The following CHD6 variants were observed in gnomAD, a reference collection of about 807,000 sequenced individuals.
The protein encoded by CHD6 is ATP-dependent chromatin remodeler CHD6.
A neutral mutation model predicts 276.9 loss-of-function variants in CHD6; 50 were observed. The ratio of observed to expected loss-of-function variants is 0.18; its 90% CI spans 0.14 to 0.23. The LOEUF is 0.23. CHD6 is among the 10% of genes least tolerant of loss of function. CHD6 has a pLI of 1.00. For missense variants in CHD6, 2,564 were observed against 3,365.8 expected, an observed-to-expected ratio of 0.76 and a Z score of 5.89; for synonymous variants, 1,173 against 1,229.3, an observed-to-expected ratio of 0.95 and a Z score of 0.96.
intron 27 of CHD6, among the ~76,000 whole-genome samples, chr20:41,434,126 C>A (rs113431913): frequency 6.6e-6 from 1 of 151,946 alleles, no homozygotes; most frequent in East Asian, 1.9e-4. Context: ...AGACAGAGAC[C>A]GGCAGAGCGT....
At chr20:41,565,251 A>G (rs1039867467) in intron 1 of CHD6, among the ~76,000 whole-genome samples, 14 of 152,054 alleles carry the variant, frequency 9.2e-5, no homozygotes, top group Non-Finnish European at 1.9e-4. Context: ...GCCTGCCACC[A>G]CACCCGGCTA....
At chr20:41,565,381 A>C (rs979808262) in intron 1 of CHD6, among the ~76,000 whole-genome samples, 9 of 152,212 alleles carry the variant, frequency 5.9e-5, no homozygotes, top group Non-Finnish European at 1.2e-4. Flanking sequence ...GGCGTGAGCC[A>C]CCGCGCCCAG....
At chr20:41,467,560 T>TGA (rs1555898170) in intron 17 of CHD6, among the ~76,000 whole-genome samples, 2 of 37,610 alleles carry the variant, frequency 5.3e-5, no homozygotes, top group African/African-American at 2.8e-4. Flanking sequence ...GTTCTGACAA[T>TGA]GAAAAAAAAA....
chr20:41,414,472 T>C (rs1424956604), intron 34 of CHD6: 4 of 166,292 alleles, frequency 2.4e-5, no homozygotes, highest in Non-Finnish European at 5.2e-5. Flanking sequence ...TTATTGCTTT[T>C]AAAATAAGAA....
At chr20:41,415,712 T>TAGGGAAATCAGGCCTGGA in intron 33 of CHD6, 74 bp from the exon 34 acceptor site, 2 of 1,155,280 alleles carry the variant, frequency 1.7e-6, no homozygotes, top group African/African-American at 1.5e-5. Context: ...TCTCCAGGCC[T>TAGGGAAATCAGGCCTGGA]GATTTCCCTA....
chr20:41,540,813 T>C (rs1455581974), intron 2 of CHD6, among the ~76,000 whole-genome samples: 3 of 152,160 alleles, frequency 2.0e-5, no homozygotes, highest in African/African-American at 7.2e-5. Flanking sequence ...TCATCAAAAT[T>C]TGCAACCTTC....
intron 1 of CHD6, among the ~76,000 whole-genome samples, chr20:41,587,492 T>A (rs1008091497): frequency 6.6e-6 from 1 of 152,232 alleles, no homozygotes; most frequent in Non-Finnish European, 1.5e-5. Context: ...TCTTCTCTCA[T>A]GCTTTTCATT....
chr20:41,491,887 C>T lies in CHD6; in HGVS notation c.1315-68G>A, dbSNP rs143281546. The T allele has an allele frequency of 1.2e-4, 190 of 1,550,728 alleles. 4 individuals are homozygous for T. In the East Asian group the frequency reaches 3.7e-3, roughly 30 times the overall value. On this transcript the variant is annotated intron_variant, in intron 10 of 36. Coordinates refer to ENST00000373233, the MANE Select transcript of CHD6 (RefSeq NM_032221.5). The stretch of plus-strand genomic sequence containing the variant: ...TTTAGGAGCATAACATGGATACTAA[C>T]GAGGACAGTGGTAAATCTCACTGTC...
chr20:41,443,072 C>T (rs1278834352), intron 25 of CHD6, among the ~76,000 whole-genome samples: 1 of 152,198 alleles, frequency 6.6e-6, no homozygotes, highest in Non-Finnish European at 1.5e-5. Context: ...AAGGCCTCTG[C>T]CCCTCAGCTG....
At chr20:41,408,348 G>A (rs1213588380) in intron 36 of CHD6, among the ~76,000 whole-genome samples, 2 of 152,156 alleles carry the variant, frequency 1.3e-5, no homozygotes, top group African/African-American at 4.8e-5. Context: ...AGCATGACCT[G>A]CCACTTGCAA....
intron 5 of CHD6, among the ~76,000 whole-genome samples, chr20:41,502,024 A>G (rs1217053127): frequency 1.3e-5 from 2 of 152,238 alleles, no homozygotes; most frequent in Non-Finnish European, 2.9e-5. Flanking sequence ...TATTTTAAAT[A>G]AGAGTCCTCT....
intron 29 of CHD6, 80 bp from the exon 30 acceptor site, chr20:41,423,780 T>C (rs2047273810): frequency 2.7e-6 from 3 of 1,114,800 alleles, no homozygotes; most frequent in Non-Finnish European, 2.7e-6. Context: ...GAGCCTACTA[T>C]GAGAGCCCAT....
chr20:41,452,917 C>T lies in CHD6; in HGVS notation c.3146G>A (p.Arg1049His), dbSNP rs2048281968. ...GTAGTGTTTGGTCTGCTTTCTCACG[C>T]GAGGTCGGTCGATCACTAAGCTTTC... ...EKESLVIDRP[R>H]VRKQTKHYNS... Residue 1049 changes from arginine (R) to histidine (H), a missense_variant, in exon 21 of 37, where the codon CGC becomes CAC. By Grantham distance (29) the Arg-to-His change is conservative. Transcript: ENST00000373233. The surrounding 1 kb of genome is among the most constrained non-coding windows in gnomAD (Gnocchi z 4.2). 4 of 1,613,584 alleles carry T rather than the reference C, an allele frequency of 2.5e-6. No homozygotes were observed. The highest frequency in any genetic ancestry group is 3.4e-6 in the Non-Finnish European group (4 of 1,179,944).
At chr20:41,592,470 T>C (rs1018864230) in intron 1 of CHD6, among the ~76,000 whole-genome samples, 1 of 152,242 alleles carries the variant, frequency 6.6e-6, no homozygotes, top group African/African-American at 2.4e-5. Context: ...AAAATCTAGA[T>C]ATACTTTTGA....
At chr20:41,597,635 G>A (rs1384946844) in intron 1 of CHD6, among the ~76,000 whole-genome samples, 1 of 151,948 alleles carries the variant, frequency 6.6e-6, no homozygotes, top group African/African-American at 2.4e-5. Context: ...GGGTCAAAAA[G>A]GCATCGCCCT....
At chr20:41,610,557 C>T (rs2045876326) in intron 1 of CHD6, among the ~76,000 whole-genome samples, 2 of 152,028 alleles carry the variant, frequency 1.3e-5, no homozygotes, top group Admixed American at 6.5e-5. Flanking sequence ...GTCAGGAGAT[C>T]GAGACCATCC....
rs192868308 is a variant in CHD6 at position 41,609,718 on chromosome 20, C to T, written c.-24+8622G>A. 2.2e-3 allele frequency among the ~76,000 whole-genome samples: 340 copies of T among 152,266 alleles called. 1 individual carries two copies. The highest frequency in any genetic ancestry group is 6.8e-3 in the Middle Eastern group (2 of 294). On this transcript the variant is annotated intron_variant, in intron 1 of 36. Transcript: ENST00000373233. ...CACTGCCTAAATGACTAACAATTTCCTGCTTGAAAATCTAAAACCTGGTAA... is the reference window on the plus strand; with the variant it reads ...CACTGCCTAAATGACTAACAATTTCTTGCTTGAAAATCTAAAACCTGGTAA...
chr20:41,434,767 A>C (rs560301600), intron 27 of CHD6, among the ~76,000 whole-genome samples: 5 of 152,212 alleles, frequency 3.3e-5, no homozygotes, highest in African/African-American at 1.2e-4. Flanking sequence ...TAAATCCACA[A>C]TTATAGTTGG....
At chr20:41,467,890 G>A (rs1600934317) in intron 17 of CHD6, among the ~76,000 whole-genome samples, 1 of 151,856 alleles carries the variant, frequency 6.6e-6, no homozygotes, top group South Asian at 2.1e-4. Context: ...ATTTAGGACT[G>A]GTGCTGTGTA....
Sources: gnomAD v4.1 joint callset for allele counts (sites outside exome capture counted in the v4.1 genomes callset) on GRCh38, gnomAD v4.1.1 for gene constraint, Gnocchi (gnomAD v3.1) non-coding constraint, MANE v1.5 for transcripts, NCBI Gene and HGNC (gene_info 2026-07-23, HGNC 2026-07-21) for gene names.